Variants in CDH12 observed in about 807,000 individuals in gnomAD.
The protein encoded by CDH12 is cadherin 12, also known as cadherin-12.
CDH12 carries 41 observed loss-of-function variants against 74.1 expected under a neutral mutation model. The observed-to-expected ratio is 0.55, with a 90% CI of 0.43 to 0.72. The LOEUF (loss-of-function observed/expected upper bound fraction) is 0.72. Ranked by LOEUF, CDH12 falls within the 30% of genes least tolerant of loss-of-function variation. The pLI is 0.00. For synonymous variants in CDH12, 399 were observed against 355.0 expected (o/e 1.12, Z -1.39); for missense variants, 945 against 977.2 (o/e 0.97, Z 0.44).
chr5:22,153,303 G>A (rs536744762), intron 4 of CDH12, among the ~76,000 whole-genome samples: 2 of 149,812 alleles, frequency 1.3e-5, no homozygotes, highest in Non-Finnish European at 3.0e-5. Flanking sequence ...AATTGCAAAT[G>A]CTGGTTTAGA....
intron 4 of CDH12, among the ~76,000 whole-genome samples, chr5:22,091,153 G>T (rs1481673197): frequency 6.7e-6 from 1 of 150,062 alleles, no homozygotes; most frequent in Non-Finnish European, 1.5e-5. Context: ...ACTTGCAGAT[G>T]ACATGATCTT....
chr5:21,835,043 G>A (rs1306292689), intron 8 of CDH12, among the ~76,000 whole-genome samples: 1 of 151,882 alleles, frequency 6.6e-6, no homozygotes, highest in African/African-American at 2.4e-5. Context: ...TCATTTATGT[G>A]TATGCTGGGG....
intron 3 of CDH12, among the ~76,000 whole-genome samples, chr5:22,285,087 T>C (rs1737076291): frequency 6.6e-6 from 1 of 152,078 alleles, no homozygotes; most frequent in Admixed American, 6.6e-5. Flanking sequence ...TACAAATTCA[T>C]GGAATAAAAC....
At chr5:22,206,213 C>T (rs983656441) in intron 4 of CDH12, among the ~76,000 whole-genome samples, 1 of 152,082 alleles carries the variant, frequency 6.6e-6, no homozygotes, top group Non-Finnish European at 1.5e-5. Context: ...AGCAGCATTT[C>T]TCATCACCAG....
chr5:22,490,212 G>A (rs752626729), intron 2 of CDH12, among the ~76,000 whole-genome samples: 11 of 151,980 alleles, frequency 7.2e-5, no homozygotes, highest in South Asian at 2.1e-4. Flanking sequence ...GTGATATTAC[G>A]CATATCACTC....
intron 14 of CDH12, 152 bp downstream of exon 14, chr5:21,755,439 A>G (rs1744327222): frequency 1.6e-6 from 1 of 631,312 alleles, no homozygotes; most frequent in Non-Finnish European, 2.7e-6. Flanking sequence ...ATTTAATTCA[A>G]TACACATAGA....
chr5:22,617,366 T>C (rs1737744793), intron 1 of CDH12, among the ~76,000 whole-genome samples: 1 of 152,056 alleles, frequency 6.6e-6, no homozygotes, highest in Non-Finnish European at 1.5e-5. Flanking sequence ...ACCCAATCTA[T>C]AAGATTCTAT....
Position 22,681,228 on chromosome 5 carries a change from G to GGTGT in CDH12, c.-523+171826_-523+171829dup, listed in dbSNP as rs1035806842. On this transcript the variant is annotated intron_variant, in intron 1 of 14. Coordinates refer to ENST00000382254, the MANE Select transcript of CDH12 (RefSeq NM_004061.5). ...ATCATTAAGCTCCTGGGTATTGGGGGGTGTGTGTGTGTGTGTGTGTGTGTG... is the reference window on the plus strand; with the variant it reads ...ATCATTAAGCTCCTGGGTATTGGGGGGTGTGTGTGTGTGTGTGTGTGTGTGTGTG... 2.3e-3 allele frequency among the ~76,000 whole-genome samples: 243 copies of GGTGT among 105,810 alleles called. 1 individual carries two copies. Among genetic ancestry groups the GGTGT allele is most frequent in the Middle Eastern group, 9.2e-3 (2 of 218 alleles). The allele number at this position is 105,810 out of a possible 152,430, so 69.4% of individuals were successfully genotyped here. A position where few individuals can be genotyped will look rare whatever the true frequency, so the allele number is the denominator to read the frequency against.
chr5:22,209,564 A>G (rs1447327158), intron 4 of CDH12, among the ~76,000 whole-genome samples: 1 of 151,566 alleles, frequency 6.6e-6, no homozygotes, highest in Non-Finnish European at 1.5e-5. Flanking sequence ...GGAAAGATGT[A>G]TATGTTACAA....
intron 2 of CDH12, among the ~76,000 whole-genome samples, chr5:22,446,878 G>A: frequency 6.6e-6 from 1 of 152,008 alleles, no homozygotes; most frequent in East Asian, 1.9e-4. Flanking sequence ...AACCCAGAAT[G>A]AGATATGAAT....
At chr5:22,418,367 A>G (rs914919403) in intron 2 of CDH12, among the ~76,000 whole-genome samples, 1 of 152,176 alleles carries the variant, frequency 6.6e-6, no homozygotes, top group Non-Finnish European at 1.5e-5. Context: ...GGAGTTTTCT[A>G]AATATACAAT....
chr5:22,411,879 C>G (rs1283600664), intron 2 of CDH12, among the ~76,000 whole-genome samples: 1 of 152,038 alleles, frequency 6.6e-6, no homozygotes, highest in East Asian at 1.9e-4. Flanking sequence ...GGCTTGATGA[C>G]TAAATTTGAT....
intron 1 of CDH12, among the ~76,000 whole-genome samples, chr5:22,544,420 C>T (rs759140022): frequency 5.3e-5 from 8 of 152,124 alleles, no homozygotes; most frequent in Non-Finnish European, 1.0e-4. Flanking sequence ...AAAATCAGGT[C>T]TTTTACCATA....
chr5:22,063,038 A>C (rs1741302395), intron 5 of CDH12, among the ~76,000 whole-genome samples: 1 of 152,164 alleles, frequency 6.6e-6, no homozygotes, highest in Non-Finnish European at 1.5e-5. Context: ...CTATATTTTA[A>C]ATATGTTAGT....
intron 4 of CDH12, among the ~76,000 whole-genome samples, chr5:22,098,801 A>G (rs1194157734): frequency 6.6e-6 from 1 of 151,580 alleles, no homozygotes; most frequent in African/African-American, 2.4e-5. Context: ...CCTGTTCCTC[A>G]CCCTGATTAT....
chr5:22,850,514 T>G (rs549148368), intron 1 of CDH12, among the ~76,000 whole-genome samples: 1 of 152,102 alleles, frequency 6.6e-6, no homozygotes, highest in Admixed American at 6.5e-5. Context: ...AAATGCAATA[T>G]TTGTTAAACA....
intron 2 of CDH12, among the ~76,000 whole-genome samples, chr5:22,435,535 T>C (rs1580647066): frequency 6.6e-6 from 1 of 151,538 alleles, no homozygotes; most frequent in Non-Finnish European, 1.5e-5. Flanking sequence ...TATATACATA[T>C]ATACTATTAG....
intron 1 of CDH12, among the ~76,000 whole-genome samples, chr5:22,851,156 T>C (rs1737538914): frequency 6.6e-6 from 1 of 152,104 alleles, no homozygotes; most frequent in Non-Finnish European, 1.5e-5. Context: ...AAGAACTTAA[T>C]ACATATCATT....
At chr5:22,544,582 G>A (rs915525992) in intron 1 of CDH12, among the ~76,000 whole-genome samples, 2 of 152,090 alleles carry the variant, frequency 1.3e-5, no homozygotes, top group South Asian at 2.1e-4. Context: ...TCGAGAGGCC[G>A]AGGTGGGAGA....
Sources: gnomAD v4.1 joint callset for allele counts (sites outside exome capture counted in the v4.1 genomes callset) on GRCh38, gnomAD v4.1.1 for gene constraint, MANE v1.5 for transcripts, NCBI Gene and HGNC (gene_info 2026-07-23, HGNC 2026-07-21) for gene names.